SAV1: variants seen among roughly 807,000 people sequenced by gnomAD.
SAV1 encodes protein salvador homolog 1.
SAV1 carries 23 observed loss-of-function variants against 47.3 expected under a neutral mutation model. That is an observed-to-expected ratio of 0.49 (90% confidence interval 0.35 to 0.69). The LOEUF is 0.69. Among genes scored for constraint, SAV1 ranks in the 30% least tolerant of loss-of-function variants. The pLI, the probability that SAV1 is intolerant of heterozygous loss-of-function variation, is 0.01. For synonymous variants in SAV1, 155 were observed against 159.2 expected, an observed-to-expected ratio of 0.97 and a Z score of 0.20; for missense variants, 448 against 457.4, an observed-to-expected ratio of 0.98 and a Z score of 0.19.
intron 2 of SAV1, among the ~76,000 whole-genome samples, chr14:50,654,685 C>CA (rs2039797772): frequency 6.6e-6 from 1 of 152,124 alleles, no homozygotes; most frequent in African/African-American, 2.4e-5. Context: ...CACAATAGAG[C>CA]AAAGCACAAT....
At chr14:50,667,367 C>A in intron 1 of SAV1, 1 of 454,394 alleles carries the variant, frequency 2.2e-6, no homozygotes, top group Non-Finnish European at 4.4e-6. Flanking sequence ...ACAAGAACGA[C>A]GGTATGCTTT....
chr14:50,649,961 C>T (rs2039753885), intron 2 of SAV1, among the ~76,000 whole-genome samples: 1 of 152,078 alleles, frequency 6.6e-6, no homozygotes, highest in Non-Finnish European at 1.5e-5. Flanking sequence ...CTTTGAAGAG[C>T]TTTTAAAATT....
chr14:50,662,606 G>T (rs924214773), intron 2 of SAV1: 1 of 152,184 alleles, frequency 6.6e-6, no homozygotes, highest in Non-Finnish European at 1.5e-5. Flanking sequence ...TTGCTCCTAA[G>T]AGAGGATCAG....
intron 2 of SAV1, among the ~76,000 whole-genome samples, chr14:50,646,642 G>A (rs922380645): frequency 2.2e-5 from 3 of 139,140 alleles, no homozygotes; most frequent in Non-Finnish European, 4.5e-5. Context: ...CTGAGAACGC[G>A]CCATTACACT....
At chr14:50,653,915 T>G (rs2039791258) in intron 2 of SAV1, among the ~76,000 whole-genome samples, 1 of 152,006 alleles carries the variant, frequency 6.6e-6, no homozygotes, top group Non-Finnish European at 1.5e-5. Flanking sequence ...GTCTATTAAG[T>G]GTGCAATAGC....
Position 50,634,143 on chromosome 14 carries a change from C to T in SAV1, c.*1040G>A, listed in dbSNP as rs753094112. ...TGTCAGGAACTCTCCACTGCCTCGT[C>T]AGAGCCATGCTAAATGCAGTAACAG... On this transcript the variant is annotated 3_prime_UTR_variant, in exon 5 of 5. Transcript: ENST00000324679. 4.4e-6 allele frequency: 2 copies of T among 455,020 alleles called. No homozygotes were observed. The highest frequency in any genetic ancestry group is 4.0e-5 in the African/African-American group (2 of 50,036). The allele number at this position is 455,020 out of a possible 1,614,324, so 28.2% of individuals were successfully genotyped here.
intron 2 of SAV1, chr14:50,663,017 G>C (rs2039873026): frequency 6.6e-6 from 1 of 152,134 alleles, no homozygotes; most frequent in Admixed American, 6.5e-5. Context: ...CATTAATGTG[G>C]GCGTGTCCCA....
intron 2 of SAV1, among the ~76,000 whole-genome samples, chr14:50,658,869 CTTGTGG>C (rs2039834804): frequency 3.3e-5 from 5 of 152,056 alleles, no homozygotes; most frequent in Non-Finnish European, 5.9e-5. Flanking sequence ...AGATTTTTCC[CTTGTGG>C]AAGAGGCAGT....
At chr14:50,649,558 G>A (rs2039750209) in intron 2 of SAV1, among the ~76,000 whole-genome samples, 1 of 152,158 alleles carries the variant, frequency 6.6e-6, no homozygotes, top group Non-Finnish European at 1.5e-5. Context: ...TACTAGTTCT[G>A]AAACGAAGGT....
chr14:50,634,931 C>A lies in SAV1; in HGVS notation c.*252G>T. ...AATGACATTTCCGCTGCGTTTTTTT[C>A]CATCAAGAATACCAAAACAGTTTCC... On this transcript the variant is annotated 3_prime_UTR_variant, in exon 5 of 5. Coordinates refer to ENST00000324679, the MANE Select transcript of SAV1 (RefSeq NM_021818.4). 2.7e-6 allele frequency: 1 copy of A among 371,356 alleles called. No homozygotes were observed. 23.0% of individuals were successfully genotyped at this position (371,356 alleles called of 1,614,324 possible).
chr14:50,655,943 G>C (rs1326043321), intron 2 of SAV1, among the ~76,000 whole-genome samples: 1 of 152,150 alleles, frequency 6.6e-6, no homozygotes, highest in Admixed American at 6.5e-5. Context: ...TACTAGAGAG[G>C]ATGAGGCAGA....
intron 2 of SAV1, 121 bp from the exon 3 acceptor site, chr14:50,645,135 A>C: frequency 1.3e-6 from 1 of 789,556 alleles, no homozygotes. Context: ...TAAATTCATG[A>C]TTATGCCCAT....
chr14:50,641,359 G>A (rs374297323), intron 3 of SAV1, among the ~76,000 whole-genome samples: 39 of 151,076 alleles, frequency 2.6e-4, no homozygotes, highest in Non-Finnish European at 5.3e-4. Context: ...GGGAGTCAGA[G>A]TTGATCAGAA....
At position 50,634,944 on chromosome 14, in the gene SAV1, C is replaced by A; in HGVS notation, c.*239G>T. On this transcript the variant is annotated 3_prime_UTR_variant, in exon 5 of 5. Coordinates refer to ENST00000324679, the MANE Select transcript of SAV1 (RefSeq NM_021818.4). ...CTGCGTTTTTTTCCATCAAGAATAC[C>A]AAAACAGTTTCCTAATATACAGTAT... 3 of 411,802 alleles carry A rather than the reference C, an allele frequency of 7.3e-6. No homozygotes were observed. Among genetic ancestry groups the A allele is most frequent in the South Asian group, 3.6e-5 (1 of 28,148 alleles). 25.5% of individuals were successfully genotyped at this position (411,802 alleles called of 1,614,324 possible).
chr14:50,633,947 AGG>A lies in SAV1; in HGVS notation c.*1234_*1235del. 5.2e-6 allele frequency: 1 copy of A among 190,584 alleles called. No individual in the cohort carries two copies. The highest frequency in any genetic ancestry group is 1.1e-5 in the Non-Finnish European group (1 of 87,608). The allele number at this position is 190,584 out of a possible 1,614,324, so 11.8% of individuals were successfully genotyped here. ...AAAATGTTTTAACTATTAAACCAAA[AGG>A]GGAGAAAAACTGGGAGGGAAATATA... On this transcript the variant is annotated 3_prime_UTR_variant, in exon 5 of 5. Coordinates refer to ENST00000324679, the MANE Select transcript of SAV1 (RefSeq NM_021818.4).
At chr14:50,655,846 G>C (rs897678833) in intron 2 of SAV1, among the ~76,000 whole-genome samples, 3 of 150,196 alleles carry the variant, frequency 2.0e-5, no homozygotes, top group Non-Finnish European at 3.0e-5. Flanking sequence ...AGGAGTTCAC[G>C]ACCAGCCTGA....
intron 3 of SAV1, among the ~76,000 whole-genome samples, chr14:50,641,257 A>G (rs541144575): frequency 6.6e-6 from 1 of 152,178 alleles, no homozygotes; most frequent in Non-Finnish European, 1.5e-5. Flanking sequence ...GGGGGTTAGG[A>G]TATGTAGTGA....
chr14:50,654,375 T>C (rs982272572), intron 2 of SAV1, among the ~76,000 whole-genome samples: 1 of 152,228 alleles, frequency 6.6e-6, no homozygotes, highest in African/African-American at 2.4e-5. Context: ...TGCTCATCCA[T>C]AAAAAGCAAC....
At chr14:50,661,066 TA>T (rs1488274170) in intron 2 of SAV1, among the ~76,000 whole-genome samples, 1 of 152,206 alleles carries the variant, frequency 6.6e-6, no homozygotes, top group Non-Finnish European at 1.5e-5. Context: ...CTAATTATTG[TA>T]ACATTCCCAC....
Sources: gnomAD v4.1 joint callset for allele counts (sites outside exome capture counted in the v4.1 genomes callset) on GRCh38, gnomAD v4.1.1 for gene constraint, MANE v1.5 for transcripts, NCBI Gene and HGNC (gene_info 2026-07-23, HGNC 2026-07-21) for gene names.